The following TSEN2 variants were observed in gnomAD, a reference collection of about 807,000 sequenced individuals.
TSEN2 encodes tRNA splicing endonuclease subunit 2.
TSEN2 carries 54 observed loss-of-function variants against 59.2 expected under a neutral mutation model. The observed-to-expected ratio is 0.91, with a 90% CI of 0.73 to 1.14. The LOEUF (loss-of-function observed/expected upper bound fraction) is 1.14, where lower values mean the gene tolerates loss of function less well. TSEN2 is among the 50% of genes most tolerant of loss of function. The pLI, the probability that TSEN2 is intolerant of heterozygous loss-of-function variation, is 0.00. For synonymous variants in TSEN2, 195 were observed against 198.2 expected, an observed-to-expected ratio of 0.98 and a Z score of 0.14; for missense variants, 636 against 576.2, an observed-to-expected ratio of 1.10 and a Z score of -1.06.
downstream of TSEN2, among the ~76,000 whole-genome samples, chr3:12,536,913 G>A (rs539693679): frequency 1.3e-5 from 2 of 151,976 alleles, no homozygotes; most frequent in African/African-American, 2.4e-5. Context: ...TGAAGCAGGA[G>A]AATCACTTGA....
At chr3:12,492,273 T>C in intron 3 of TSEN2, 56 bp downstream of exon 3, 1 of 1,475,786 alleles carries the variant, frequency 6.8e-7, no homozygotes, top group Non-Finnish European at 9.5e-7. Context: ...TCCTTTGTTT[T>C]TGATCTTATA....
upstream of TSEN2, among the ~76,000 whole-genome samples, chr3:12,480,559 AT>A (rs1446882872): frequency 1.0e-5 from 1 of 95,986 alleles, no homozygotes; most frequent in African/African-American, 4.8e-5. Flanking sequence ...TTGAGACAGT[AT>A]CACTCTGTCG....
intron 8 of TSEN2, among the ~76,000 whole-genome samples, chr3:12,526,224 TAAAGA>T: frequency 6.6e-6 from 1 of 152,076 alleles, no homozygotes; most frequent in South Asian, 2.1e-4. Flanking sequence ...AAAGTGTTTA[TAAAGA>T]GTACAGTAGC....
upstream of TSEN2, among the ~76,000 whole-genome samples, chr3:12,482,865 C>T (rs114970141): frequency 7.2e-5 from 11 of 152,350 alleles, no homozygotes; most frequent in African/African-American, 2.6e-4. Flanking sequence ...CTCTCTTCAG[C>T]TGTCTCTCCC....
At chr3:12,501,516 G>C (rs1559299581) in intron 4 of TSEN2, among the ~76,000 whole-genome samples, 1 of 152,150 alleles carries the variant, frequency 6.6e-6, no homozygotes, top group African/African-American at 2.4e-5. Context: ...AGGAATCAGG[G>C]TTAAGCAACC....
chr3:12,529,936 T>G (rs2057355211), intron 10 of TSEN2, 63 bp downstream of exon 10: 1 of 1,574,194 alleles, frequency 6.4e-7, no homozygotes, highest in African/African-American at 1.4e-5. Flanking sequence ...TTTTTTTTTC[T>G]TAAATGTAGT....
At chr3:12,530,643 A>C in intron 10 of TSEN2, 1 of 985,398 alleles carries the variant, frequency 1.0e-6, no homozygotes, top group African/African-American at 1.7e-5. Context: ...GCTAGAGATG[A>C]CTGCCCTTTA....
chr3:12,497,701 G>A lies in TSEN2; in HGVS notation c.308+1147G>A, dbSNP rs1215812972. Among the ~76,000 whole-genome samples the A allele has an allele frequency of 2.0e-5, 3 of 152,244 alleles. No homozygotes were observed. The East Asian group carries it at 5.8e-4, about 29-fold the overall frequency. On this transcript the variant is annotated intron_variant, in intron 4 of 11. Coordinates refer to ENST00000284995, the MANE Select transcript of TSEN2 (RefSeq NM_025265.4). The stretch of plus-strand genomic sequence containing the variant: ...GCCAGCCTGCCAGCGTAGAGGTTCT[G>A]CACAGGGAGAGGGCTACCTCCCTGA...
intron 8 of TSEN2, among the ~76,000 whole-genome samples, chr3:12,526,787 G>T (rs1473772451): frequency 6.6e-6 from 1 of 152,212 alleles, no homozygotes; most frequent in Non-Finnish European, 1.5e-5. Context: ...TGCTGCCAGT[G>T]TTCTTGCTTA....
At position 12,503,305 on chromosome 3, in the gene TSEN2, CAG is replaced by C. The variant is rs755246924; in HGVS notation, c.353_354del (p.Gln118ArgfsTer4). ...GTGGGCAGCAGAGCTGATGCGTAGA[CAG>C]GGGCAGGATGAGAGTACAGTGCGCA... ...VEWAAELMRR[Q>X]GQDESTVRRI... On this transcript the variant is annotated frameshift_variant, in exon 5 of 12. Coordinates refer to ENST00000284995, the MANE Select transcript of TSEN2 (RefSeq NM_025265.4). LOFTEE classifies it high-confidence loss of function. 3.8e-5 allele frequency: 62 copies of C among 1,614,052 alleles called. No individual in the cohort carries two copies. The highest frequency in any genetic ancestry group is 5.0e-5 in the Admixed American group (3 of 60,000).
At position 12,519,070 on chromosome 3, in the gene TSEN2, G is replaced by C; in HGVS notation, c.972G>C (p.Thr324=). ...GTAAATAACTTTAGGAGCCTTTAAC[G>C]ATAGTGAAGCTCTGGAAAGCTTTCA... The part of the protein sequence containing the change: ...LSIYYEKEPL[T]IVKLWKAFTV... Residue 324 remains threonine (T), a synonymous_variant, in exon 8 of 12, where the codon ACG becomes ACC. Coordinates refer to ENST00000284995, the MANE Select transcript of TSEN2 (RefSeq NM_025265.4). 1 of 1,614,060 alleles carries C rather than the reference G, an allele frequency of 6.2e-7. No individual in the cohort carries two copies. Among genetic ancestry groups the C allele is most frequent in the Non-Finnish European group, 8.5e-7 (1 of 1,180,034 alleles).
At chr3:12,485,679 A>G (rs539203263) in intron 1 of TSEN2, among the ~76,000 whole-genome samples, 1 of 152,172 alleles carries the variant, frequency 6.6e-6, no homozygotes, top group Non-Finnish European at 1.5e-5. Context: ...CCACTGTGTG[A>G]TGTACCACTC....
Position 12,503,453 on chromosome 3 carries a change from G to T in TSEN2, c.500G>T (p.Gly167Val), listed in dbSNP as rs888986108. ...TCCAACATGGAAGGCACAGCAGGGGGAGAGAGACCTTCTGTGGTAAACGGG... is the reference window on the plus strand; with the variant it reads ...TCCAACATGGAAGGCACAGCAGGGGTAGAGAGACCTTCTGTGGTAAACGGG... ...MVSNMEGTAGGERPSVVNGDS... is the reference protein window; with the variant it reads ...MVSNMEGTAGVERPSVVNGDS... The change falls in exon 5 of 12, where the codon GGA (glycine) becomes GTA (valine). Residue 167 changes from glycine to valine, a missense_variant. Coordinates refer to ENST00000284995, the MANE Select transcript of TSEN2 (RefSeq NM_025265.4). 37 of 1,614,112 alleles carry T rather than the reference G, an allele frequency of 2.3e-5. No homozygotes were observed. Among genetic ancestry groups the T allele is most frequent in the Non-Finnish European group, 2.9e-5 (34 of 1,180,052 alleles).
intron 10 of TSEN2, chr3:12,531,223 G>C (rs2057438974): frequency 3.9e-6 from 1 of 254,000 alleles, no homozygotes; most frequent in South Asian, 5.0e-5. Flanking sequence ...AGATTTGGGT[G>C]GGGGCACAGC....
At chr3:12,482,491 G>A (rs1008047979), upstream of TSEN2, among the ~76,000 whole-genome samples, 20 of 151,998 alleles carry the variant, frequency 1.3e-4, no homozygotes, top group Admixed American at 6.6e-5. Flanking sequence ...ATATCAAAGG[G>A]TTTAAAATGC....
intron 8 of TSEN2, among the ~76,000 whole-genome samples, chr3:12,523,088 G>A (rs1036708186): frequency 6.6e-6 from 1 of 152,192 alleles, no homozygotes; most frequent in Non-Finnish European, 1.5e-5. Context: ...TAAGTACACA[G>A]ATTAGGGCTC....
intron 8 of TSEN2, among the ~76,000 whole-genome samples, chr3:12,525,528 T>TACGGTGTAAG: frequency 6.6e-6 from 1 of 150,736 alleles, no homozygotes; most frequent in Non-Finnish European, 1.5e-5. Flanking sequence ...TTATACTCCC[T>TACGGTGTAAG]GTTCTTTCAG....
intron 3 of TSEN2, among the ~76,000 whole-genome samples, chr3:12,495,583 G>T (rs2053666564): frequency 6.6e-6 from 1 of 152,172 alleles, no homozygotes; most frequent in South Asian, 2.1e-4. Context: ...GATAGACTTT[G>T]CATCAGTTAC....
chr3:12,490,845 G>A (rs935730911), intron 2 of TSEN2, among the ~76,000 whole-genome samples: 1 of 152,192 alleles, frequency 6.6e-6, no homozygotes, highest in Non-Finnish European at 1.5e-5. Context: ...AGAGTGGGTG[G>A]CACTGGCCAT....
Sources: allele counts gnomAD v4.1 joint callset (sites outside exome capture counted in the v4.1 genomes callset), GRCh38; gene constraint gnomAD v4.1.1; transcripts MANE v1.5; gene names NCBI Gene and HGNC (gene_info 2026-07-23, HGNC 2026-07-21).